PAPSS1: variants seen among roughly 807,000 people sequenced by gnomAD.
PAPSS1 encodes the protein 3'-phosphoadenosine 5'-phosphosulfate synthase 1, also known as bifunctional 3'-phosphoadenosine 5'-phosphosulfate synthase 1.
A neutral mutation model predicts 72.0 loss-of-function variants in PAPSS1; 50 were observed. That is an observed-to-expected ratio of 0.69 (90% confidence interval 0.55 to 0.88). The LOEUF is 0.88. Among genes scored for constraint, PAPSS1 ranks in the 40% least tolerant of loss-of-function variants. PAPSS1 has a pLI of 0.00. For missense variants in PAPSS1, 657 were observed against 782.2 expected, an observed-to-expected ratio of 0.84 and a Z score of 1.91; for synonymous variants, 261 against 263.6, an observed-to-expected ratio of 0.99 and a Z score of 0.09.
intron 5 of PAPSS1, among the ~76,000 whole-genome samples, chr4:107,671,922 T>C (rs1168789383): frequency 6.6e-6 from 1 of 152,176 alleles, no homozygotes; most frequent in Non-Finnish European, 1.5e-5. Flanking sequence ...CCCACAGATA[T>C]AGAACTCCAG....
chr4:107,628,352 A>G (rs1382582226), intron 11 of PAPSS1, among the ~76,000 whole-genome samples: 1 of 152,180 alleles, frequency 6.6e-6, no homozygotes, highest in Non-Finnish European at 1.5e-5. Flanking sequence ...AACTACATCC[A>G]TTTTAGAAAC....
chr4:107,632,697 A>T (rs1726254945), intron 10 of PAPSS1, among the ~76,000 whole-genome samples: 1 of 152,154 alleles, frequency 6.6e-6, no homozygotes, highest in African/African-American at 2.4e-5. Context: ...ATTCTCCATA[A>T]AATTTGAAGA....
chr4:107,650,858 A>G (rs191614375), intron 9 of PAPSS1, among the ~76,000 whole-genome samples: 1 of 152,164 alleles, frequency 6.6e-6, no homozygotes. Flanking sequence ...TGAAAAAAAA[A>G]CAGAATTTGT....
At chr4:107,672,024 A>G (rs755723399) in intron 5 of PAPSS1, among the ~76,000 whole-genome samples, 4 of 152,286 alleles carry the variant, frequency 2.6e-5, no homozygotes, top group Non-Finnish European at 5.9e-5. Flanking sequence ...ACAAAACTAC[A>G]ATCAAAACGA....
chr4:107,615,161 GAT>G (rs1331264525), intron 11 of PAPSS1, among the ~76,000 whole-genome samples: 9 of 151,890 alleles, frequency 5.9e-5, no homozygotes, highest in African/African-American at 1.7e-4. Flanking sequence ...AGGTAGTGTT[GAT>G]AGTTTTTCTC....
chr4:107,656,819 G>A, intron 7 of PAPSS1, 77 bp downstream of exon 7: 1 of 1,024,982 alleles, frequency 9.8e-7, no homozygotes, highest in Non-Finnish European at 1.5e-6. Context: ...ACTACTTTTT[G>A]TAAACAGTGA....
At chr4:107,708,612 T>A (rs144109138) in intron 1 of PAPSS1, among the ~76,000 whole-genome samples, 1,846 of 152,354 alleles carry the variant, frequency 0.012, 24 homozygotes, top group Non-Finnish European at 0.02. Flanking sequence ...TATCAACTGC[T>A]GAGAATATGG....
At chr4:107,654,036 C>T (rs957084719) in intron 8 of PAPSS1, among the ~76,000 whole-genome samples, 4 of 152,088 alleles carry the variant, frequency 2.6e-5, no homozygotes, top group Non-Finnish European at 4.4e-5. Context: ...ATCTCCACAC[C>T]ACCTCAAATT....
chr4:107,685,988 T>C (rs1237550836), intron 4 of PAPSS1, among the ~76,000 whole-genome samples: 9 of 152,186 alleles, frequency 5.9e-5, no homozygotes, highest in Non-Finnish European at 2.9e-5. Context: ...TTTGTTTGTT[T>C]TGTTTCGTTT....
In PAPSS1 at chr4:107,675,935, A is replaced by G. The variant is rs1198976671; in HGVS notation, c.669+6080T>C. Among the ~76,000 whole-genome samples the G allele has an allele frequency of 5.3e-5, 8 of 152,344 alleles. No homozygotes were observed. In the East Asian group the frequency reaches 7.7e-4, roughly 15 times the overall value. ...ATAAACAGAACCAAAGACAAAAACCATATGATTCTCTCAAGAGATGCAGAA... is the reference window on the plus strand; with the variant it reads ...ATAAACAGAACCAAAGACAAAAACCGTATGATTCTCTCAAGAGATGCAGAA... On this transcript the variant is annotated intron_variant, in intron 5 of 11. Transcript: ENST00000265174.
At chr4:107,673,780 T>G (rs1727561629) in intron 5 of PAPSS1, among the ~76,000 whole-genome samples, 1 of 151,920 alleles carries the variant, frequency 6.6e-6, no homozygotes, top group Non-Finnish European at 1.5e-5. Context: ...GGAAAAAATG[T>G]TAAGGGCAGC....
intron 4 of PAPSS1, among the ~76,000 whole-genome samples, chr4:107,686,536 TATTTTAA>T (rs752332380): frequency 2.0e-5 from 3 of 152,234 alleles, no homozygotes; most frequent in Non-Finnish European, 4.4e-5. Flanking sequence ...CAGCTGTATA[TATTTTAA>T]CAGAATCAGT....
intron 3 of PAPSS1, among the ~76,000 whole-genome samples, chr4:107,692,591 T>C (rs951457388): frequency 2.6e-5 from 4 of 152,172 alleles, no homozygotes; most frequent in East Asian, 3.9e-4. Flanking sequence ...TCCTCAAAGA[T>C]CTTGAGGCAG....
chr4:107,676,860 G>C (rs1489583383), intron 5 of PAPSS1, among the ~76,000 whole-genome samples: 1 of 152,018 alleles, frequency 6.6e-6, no homozygotes, highest in East Asian at 1.9e-4. Context: ...GAACAGAACA[G>C]AGCCCTCAGA....
At chr4:107,682,642 C>G (rs562223207) in intron 4 of PAPSS1, among the ~76,000 whole-genome samples, 1 of 152,160 alleles carries the variant, frequency 6.6e-6, no homozygotes, top group Middle Eastern at 3.4e-3. Flanking sequence ...AAGAAAATGC[C>G]CAAGCTGCCT....
At chr4:107,713,739 A>C (rs1723560854) in intron 1 of PAPSS1, among the ~76,000 whole-genome samples, 1 of 150,214 alleles carries the variant, frequency 6.7e-6, no homozygotes, top group Non-Finnish European at 1.5e-5. Context: ...GTCTGGCAAC[A>C]GAGCAAGACT....
chr4:107,703,939 A>G (rs1723272475), intron 1 of PAPSS1, among the ~76,000 whole-genome samples: 1 of 152,248 alleles, frequency 6.6e-6, no homozygotes, highest in African/African-American at 2.4e-5. Context: ...CACTTTAAGT[A>G]GTATGGACAT....
chr4:107,696,167 T>C (rs976024240), intron 2 of PAPSS1, among the ~76,000 whole-genome samples: 1 of 152,184 alleles, frequency 6.6e-6, no homozygotes, highest in East Asian at 1.9e-4. Flanking sequence ...AGTGTGGTGC[T>C]TCCTCAAGGA....
intron 5 of PAPSS1, among the ~76,000 whole-genome samples, chr4:107,672,965 C>T (rs1202145305): frequency 6.6e-6 from 1 of 152,184 alleles, no homozygotes; most frequent in Non-Finnish European, 1.5e-5. Context: ...TGGAGTGGAC[C>T]TCCAGCAAAC....
Sources: allele counts gnomAD v4.1 joint callset (sites outside exome capture counted in the v4.1 genomes callset), GRCh38; gene constraint gnomAD v4.1.1; transcripts MANE v1.5; gene names NCBI Gene and HGNC (gene_info 2026-07-23, HGNC 2026-07-21).